Variants in COL15A1 observed in about 807,000 individuals in gnomAD.
COL15A1 encodes collagen alpha-1(XV) chain.
A neutral mutation model predicts 165.9 loss-of-function variants in COL15A1; 111 were observed. That is an observed-to-expected ratio of 0.67 (90% CI 0.57 to 0.78). The LOEUF (loss-of-function observed/expected upper bound fraction) is 0.78. COL15A1 is among the 30% of genes least tolerant of loss of function. The pLI is 0.00. For synonymous variants in COL15A1, 659 were observed against 674.8 expected (o/e 0.98, Z 0.36); for missense variants, 1,745 against 1,789.7 (o/e 0.98, Z 0.45).
At position 99,069,837 on chromosome 9, in the gene COL15A1, T is replaced by C; in HGVS notation, c.4118T>C (p.Leu1373Pro). ...DQKAYSCANR[L>P]IVLCIENSFM... is the part of the protein sequence containing the mutation. Reference sequence around the variant, plus strand: ...AAAGCATACAGCTGTGCTAATCGGCTAATTGTCCTATGTATCGAAAACAGT... The same window carrying C: ...AAAGCATACAGCTGTGCTAATCGGCCAATTGTCCTATGTATCGAAAACAGT... The change falls in exon 42 of 42, where the codon CTA (leucine) becomes CCA (proline). Residue 1373 changes from leucine to proline, a missense_variant. Leu to Pro is a moderately conservative substitution (Grantham distance 98). Coordinates refer to ENST00000375001, the MANE Select transcript of COL15A1 (RefSeq NM_001855.5). 1.2e-6 allele frequency: 2 copies of C among 1,614,130 alleles called. No individual in the cohort carries two copies. Among genetic ancestry groups the C allele is most frequent in the South Asian group, 1.1e-5 (1 of 91,090 alleles).
chr9:98,972,264 C>T (rs951866108), intron 2 of COL15A1, among the ~76,000 whole-genome samples: 1 of 152,082 alleles, frequency 6.6e-6, no homozygotes, highest in African/African-American at 2.4e-5. Context: ...AGCCCTTACC[C>T]GTGGCTGTCA....
At position 98,971,244 on chromosome 9, in the gene COL15A1, C is replaced by A. The variant is rs535107139; in HGVS notation, c.101-14321C>A. On this transcript the variant is annotated intron_variant, in intron 2 of 41. Coordinates refer to ENST00000375001, the MANE Select transcript of COL15A1 (RefSeq NM_001855.5). ...TGTAGAGCATCCATGTCCAGCAGGT[C>A]ACTGCATGCTCCCATCCCATGCCCC... Among the ~76,000 whole-genome samples, 15 of 152,288 alleles carry A rather than the reference C, an allele frequency of 9.8e-5. No individual in the cohort carries two copies. In the South Asian group the frequency reaches 3.1e-3, roughly 32 times the overall value.
At chr9:99,002,222 TCC>T (rs955935981) in intron 7 of COL15A1, among the ~76,000 whole-genome samples, 9 of 118,346 alleles carry the variant, frequency 7.6e-5, no homozygotes, top group Non-Finnish European at 1.7e-5. Context: ...CTCCCTCACC[TCC>T]CCCTCCTCTC....
intron 15 of COL15A1, 129 bp from the exon 16 acceptor site, chr9:99,025,772 CTTG>C: frequency 1.1e-6 from 1 of 885,682 alleles, no homozygotes; most frequent in African/African-American, 1.7e-5. Context: ...AGGTTCCTGC[CTTG>C]CACCTGACAT....
chr9:98,947,258 A>G (rs1837602262), intron 2 of COL15A1, among the ~76,000 whole-genome samples: 1 of 152,222 alleles, frequency 6.6e-6, no homozygotes, highest in East Asian at 1.9e-4. Flanking sequence ...AACATGGATA[A>G]ACCTTAATAC....
At chr9:98,981,654 G>C (rs1243887178) in intron 2 of COL15A1, among the ~76,000 whole-genome samples, 1 of 152,184 alleles carries the variant, frequency 6.6e-6, no homozygotes. Flanking sequence ...ACATACAAAT[G>C]CGTGGGAGTG....
intron 2 of COL15A1, among the ~76,000 whole-genome samples, chr9:98,969,030 T>C (rs186249444): frequency 5.9e-5 from 9 of 152,344 alleles, no homozygotes; most frequent in Admixed American, 5.9e-4. Flanking sequence ...ATGTTAATTG[T>C]TCCTCATACC....
chr9:99,034,912 C>A, intron 17 of COL15A1, 102 bp from the exon 18 acceptor site: 1 of 1,069,122 alleles, frequency 9.4e-7, no homozygotes, highest in Non-Finnish European at 1.4e-6. Context: ...AATTCATCAA[C>A]CTAATTAACT....
chr9:99,049,816 C>G, intron 29 of COL15A1, 38 bp from the exon 30 acceptor site: 1 of 1,614,222 alleles, frequency 6.2e-7, no homozygotes, highest in Non-Finnish European at 8.5e-7. Flanking sequence ...AGTCAGGTGT[C>G]CTGTTGACCT....
chr9:99,034,943 T>C (rs1179870084), intron 17 of COL15A1, 71 bp from the exon 18 acceptor site: 4 of 1,284,856 alleles, frequency 3.1e-6, no homozygotes, highest in Non-Finnish European at 4.5e-6. Context: ...ATTTTCTGAT[T>C]CAGGCATGCA....
chr9:98,972,588 G>A (rs1175912917), intron 2 of COL15A1, among the ~76,000 whole-genome samples: 1 of 152,204 alleles, frequency 6.6e-6, no homozygotes, highest in Non-Finnish European at 1.5e-5. Context: ...AAAGCCCTTT[G>A]AACAGCACTT....
At chr9:99,045,656 T>C (rs1839481574) in intron 26 of COL15A1, among the ~76,000 whole-genome samples, 1 of 152,192 alleles carries the variant, frequency 6.6e-6, no homozygotes, top group Admixed American at 6.5e-5. Context: ...ATTTTATAGA[T>C]GAGGAAACTA....
At chr9:98,958,464 CT>C (rs975235827) in intron 2 of COL15A1, among the ~76,000 whole-genome samples, 27 of 152,264 alleles carry the variant, frequency 1.8e-4, no homozygotes, top group African/African-American at 5.8e-4. Flanking sequence ...CTCATTCCCC[CT>C]GTCTAGTTAA....
intron 5 of COL15A1, among the ~76,000 whole-genome samples, chr9:98,991,003 T>G (rs1838413815): frequency 6.6e-6 from 1 of 152,136 alleles, no homozygotes; most frequent in African/African-American, 2.4e-5. Flanking sequence ...ACCTTCGCGG[T>G]GAGTGTTACA....
chr9:99,022,700 T>C (rs1312164511), intron 13 of COL15A1, among the ~76,000 whole-genome samples: 1 of 152,224 alleles, frequency 6.6e-6, no homozygotes, highest in Non-Finnish European at 1.5e-5. Context: ...CCAGCTCTTC[T>C]GGGTGCCTCT....
chr9:99,030,828 A>C (rs145798044), intron 16 of COL15A1, among the ~76,000 whole-genome samples: 1 of 152,348 alleles, frequency 6.6e-6, no homozygotes, highest in Non-Finnish European at 1.5e-5. Flanking sequence ...AAGATGCACA[A>C]GATTGGCACT....
chr9:99,010,473 C>G (rs1415475438), intron 9 of COL15A1, among the ~76,000 whole-genome samples: 4 of 152,184 alleles, frequency 2.6e-5, no homozygotes, highest in Non-Finnish European at 5.9e-5. Flanking sequence ...GCAAAAGAGA[C>G]AGTGAGAAGG....
Position 99,044,728 on chromosome 9 carries a change from G to A in COL15A1, c.2644-7G>A. The A allele has an allele frequency of 2.5e-6, 4 of 1,613,828 alleles. No individual in the cohort carries two copies. Among genetic ancestry groups the A allele is most frequent in the Non-Finnish European group, 3.4e-6 (4 of 1,179,738 alleles). On this transcript the variant is annotated splice_region_variant and splice_polypyrimidine_tract_variant and intron_variant, in intron 25 of 41. Transcript: ENST00000375001. ...AACAGTGACAAGTATATATCTTCCT[G>A]TTTTAGGGTGAACCTGGAATGCATG...
chr9:99,041,358 C>A (rs1300686948), intron 23 of COL15A1: 1 of 152,210 alleles, frequency 6.6e-6, no homozygotes, highest in African/African-American at 2.4e-5. Context: ...GTTAAAATAG[C>A]AATAAAGTGT....
Sources: allele counts gnomAD v4.1 joint callset (sites outside exome capture counted in the v4.1 genomes callset), GRCh38; gene constraint gnomAD v4.1.1; transcripts MANE v1.5; gene names NCBI Gene and HGNC (gene_info 2026-07-23, HGNC 2026-07-21).